The following RFC3 variants were observed in gnomAD, a reference collection of about 807,000 sequenced individuals.
RFC3 encodes A1 38 kDa subunit.
Under a neutral mutation model 45.1 loss-of-function variants are expected in RFC3, and 41 were observed. That is an observed-to-expected ratio of 0.91 (90% confidence interval 0.71 to 1.18). The LOEUF is 1.18. RFC3 is among the 50% of genes most tolerant of loss of function. The probability of loss-of-function intolerance (pLI) is 0.00; values close to 1 mark genes in which losing one functional copy is unlikely to be tolerated. For synonymous variants in RFC3, 149 were observed against 144.0 expected (o/e 1.03, Z -0.25); for missense variants, 423 against 428.1 (o/e 0.99, Z 0.10).
At chr13:33,892,088 T>A (rs1205486440) in intron 8 of RFC3, among the ~76,000 whole-genome samples, 1 of 151,928 alleles carries the variant, frequency 6.6e-6, no homozygotes, top group Non-Finnish European at 1.5e-5. Flanking sequence ...CAAATGAATA[T>A]TTTAAAAATC....
chr13:33,925,154 A>T (rs192990256), intron 8 of RFC3, among the ~76,000 whole-genome samples: 4 of 146,594 alleles, frequency 2.7e-5, no homozygotes, highest in African/African-American at 1.0e-4. Flanking sequence ...TACTATATAC[A>T]TACACATATA....
chr13:33,965,291 G>A (rs906724395), intron 8 of RFC3, among the ~76,000 whole-genome samples: 6 of 152,090 alleles, frequency 3.9e-5, no homozygotes, highest in South Asian at 2.1e-4. Context: ...TGAGCTATTC[G>A]GTCAATGACA....
At chr13:33,929,282 T>C (rs996039300) in intron 8 of RFC3, among the ~76,000 whole-genome samples, 3 of 152,124 alleles carry the variant, frequency 2.0e-5, no homozygotes, top group East Asian at 3.9e-4. Flanking sequence ...ATGTATCTTC[T>C]TTTCCAACCA....
At chr13:33,904,293 A>G (rs931320225) in intron 8 of RFC3, among the ~76,000 whole-genome samples, 3 of 151,870 alleles carry the variant, frequency 2.0e-5, no homozygotes, top group Non-Finnish European at 2.9e-5. Context: ...GTTCTGCCTG[A>G]CTTTCCTGTT....
chr13:33,864,896 C>A (rs2082363431), intron 8 of RFC3, among the ~76,000 whole-genome samples: 1 of 152,074 alleles, frequency 6.6e-6, no homozygotes. Flanking sequence ...GGAGTTCTGT[C>A]TTGGACATAT....
intron 4 of RFC3, chr13:33,829,586 C>T: frequency 2.3e-6 from 1 of 443,726 alleles, no homozygotes; most frequent in Non-Finnish European, 4.0e-6. Context: ...AGAGCTGTTC[C>T]TCTCTATAGA....
intron 8 of RFC3, among the ~76,000 whole-genome samples, chr13:33,918,742 A>T (rs1051232900): frequency 1.3e-5 from 2 of 152,066 alleles, no homozygotes; most frequent in Non-Finnish European, 2.9e-5. Context: ...ACATCCCATT[A>T]CTCTGGAGCT....
the RFC3 span, among the ~76,000 whole-genome samples, chr13:33,972,881 G>A: frequency 1.3e-5 from 2 of 152,122 alleles, no homozygotes; most frequent in Non-Finnish European, 2.9e-5. Flanking sequence ...CATAAAGAGT[G>A]CATGAAATAG....
chr13:33,844,349 T>TC (rs1351856905), intron 8 of RFC3, among the ~76,000 whole-genome samples: 1 of 152,232 alleles, frequency 6.6e-6, no homozygotes, highest in Non-Finnish European at 1.5e-5. Flanking sequence ...ACTCTAGTGC[T>TC]CTGCCCACCT....
At chr13:33,891,878 A>C (rs1240782250) in intron 8 of RFC3, among the ~76,000 whole-genome samples, 1 of 152,198 alleles carries the variant, frequency 6.6e-6, no homozygotes, top group Non-Finnish European at 1.5e-5. Flanking sequence ...GAATAAGAAT[A>C]GTTGTGAAAA....
At chr13:33,831,538 T>C (rs1001925972) in intron 7 of RFC3, among the ~76,000 whole-genome samples, 184 bp downstream of exon 7, 1 of 98,348 alleles carries the variant, frequency 1.0e-5, no homozygotes, top group Non-Finnish European at 1.7e-5. Flanking sequence ...TGGTGTGTGA[T>C]ATTATGGCTT....
chr13:33,960,033 G>A (rs1002472241), intron 8 of RFC3, among the ~76,000 whole-genome samples: 1 of 151,996 alleles, frequency 6.6e-6, no homozygotes, highest in Non-Finnish European at 1.5e-5. Context: ...TCAATGACCA[G>A]CTCCCATGTG....
chr13:33,961,763 A>G (rs974862050), intron 8 of RFC3, among the ~76,000 whole-genome samples: 4 of 152,226 alleles, frequency 2.6e-5, no homozygotes, highest in Non-Finnish European at 5.9e-5. Context: ...CCATGGCCAG[A>G]TATCAGTAAC....
intron 8 of RFC3, among the ~76,000 whole-genome samples, chr13:33,870,156 GC>G (rs1280065569): frequency 1.3e-5 from 2 of 152,204 alleles, no homozygotes; most frequent in African/African-American, 4.8e-5. Flanking sequence ...CAGATTGAAA[GC>G]AATGAACAGC....
chr13:33,892,555 A>T (rs1194347292), intron 8 of RFC3, among the ~76,000 whole-genome samples: 2 of 152,054 alleles, frequency 1.3e-5, no homozygotes, highest in Non-Finnish European at 2.9e-5. Context: ...AAGATTTGTT[A>T]CCTCACCTTA....
At chr13:33,867,716 A>G (rs184799316) in intron 8 of RFC3, among the ~76,000 whole-genome samples, 180 of 152,332 alleles carry the variant, frequency 1.2e-3, no homozygotes, top group African/African-American at 4.3e-3. Context: ...TGTGTCACCC[A>G]TGAGCTAAAG....
chr13:33,974,726 G>A, the RFC3 span, among the ~76,000 whole-genome samples: 1 of 152,158 alleles, frequency 6.6e-6, no homozygotes, highest in African/African-American at 2.4e-5. Context: ...GAGCAAAAGT[G>A]TAGACACTGT....
At chr13:33,917,701 A>G (rs1329667) in intron 8 of RFC3, among the ~76,000 whole-genome samples, 90,705 of 151,986 alleles carry the variant, frequency 0.6, 32,336 homozygotes, top group Non-Finnish European at 0.8. Flanking sequence ...TCATTAGAAA[A>G]TGACAGGCTC....
intron 8 of RFC3, chr13:33,835,457 G>C (rs2082145202): frequency 1.5e-6 from 1 of 677,532 alleles, no homozygotes; most frequent in Admixed American, 1.8e-5. Context: ...AACAAATAAA[G>C]AAGAGAATTT....
Sources: gnomAD v4.1 joint callset for allele counts (sites outside exome capture counted in the v4.1 genomes callset) on GRCh38, gnomAD v4.1.1 for gene constraint, MANE v1.5 for transcripts, NCBI Gene and HGNC (gene_info 2026-07-23, HGNC 2026-07-21) for gene names.